The following SUMF1 variants were observed in gnomAD, a reference collection of about 807,000 sequenced individuals.
SUMF1 encodes the protein formylglycine-generating enzyme.
SUMF1 carries 48 observed loss-of-function variants against 47.6 expected under a neutral mutation model. That is an observed-to-expected ratio of 1.01 (90% CI 0.80 to 1.28). The LOEUF (loss-of-function observed/expected upper bound fraction) is 1.28, where lower values mean the gene tolerates loss of function less well. SUMF1 is among the 50% of genes most tolerant of loss of function. SUMF1 has a pLI of 0.00. For synonymous variants in SUMF1, 230 were observed against 192.1 expected (o/e 1.20, Z -1.63); for missense variants, 571 against 485.4 (o/e 1.18, Z -1.66).
chr3:4,368,386 G>A (rs1351390553), intron 8 of SUMF1, among the ~76,000 whole-genome samples: 10 of 152,200 alleles, frequency 6.6e-5, no homozygotes, highest in Non-Finnish European at 1.2e-4. Flanking sequence ...TGCACTGTTG[G>A]TGGGACTGTA....
chr3:4,167,314 C>A (rs1248014814), intron 8 of SUMF1, among the ~76,000 whole-genome samples: 1 of 152,114 alleles, frequency 6.6e-6, no homozygotes, highest in Non-Finnish European at 1.5e-5. Context: ...TTATTTGTCC[C>A]CTCCCATGTC....
intron 8 of SUMF1, among the ~76,000 whole-genome samples, chr3:4,373,818 A>G (rs1210532490): frequency 9.2e-6 from 1 of 108,808 alleles, no homozygotes; most frequent in Non-Finnish European, 2.0e-5. Context: ...AAAAATGTAT[A>G]AAAAAGATAA....
At chr3:4,139,576 G>GTGTA (rs1694026232) in intron 8 of SUMF1, among the ~76,000 whole-genome samples, 1 of 150,686 alleles carries the variant, frequency 6.6e-6, no homozygotes, top group Non-Finnish European at 1.5e-5. Flanking sequence ...GCATGTGTGT[G>GTGTA]TGTGTATATA....
At chr3:4,171,379 C>G (rs1432642045) in intron 8 of SUMF1, among the ~76,000 whole-genome samples, 1 of 152,094 alleles carries the variant, frequency 6.6e-6, no homozygotes, top group Non-Finnish European at 1.5e-5. Context: ...GGTAAATTAA[C>G]TTTTTGAGGT....
intron 8 of SUMF1, among the ~76,000 whole-genome samples, chr3:4,264,224 G>A (rs910132089): frequency 2.6e-5 from 4 of 152,122 alleles, no homozygotes; most frequent in Admixed American, 6.6e-5. Flanking sequence ...ACCCAGTTAC[G>A]CTGAGTCAGC....
intron 8 of SUMF1, among the ~76,000 whole-genome samples, chr3:4,331,579 G>A (rs777435897): frequency 1.1e-3 from 162 of 152,350 alleles, no homozygotes; most frequent in Non-Finnish European, 1.7e-3. Flanking sequence ...TGTAATCCCA[G>A]TAGTTTGGGA....
chr3:4,458,800 G>A (rs1033403214), intron 1 of SUMF1, among the ~76,000 whole-genome samples: 6 of 152,274 alleles, frequency 3.9e-5, no homozygotes, highest in Admixed American at 1.3e-4. Flanking sequence ...AGCTTGCAGC[G>A]AGCCGAGATG....
At chr3:4,214,451 G>T (rs891681183) in intron 8 of SUMF1, among the ~76,000 whole-genome samples, 7 of 152,130 alleles carry the variant, frequency 4.6e-5, no homozygotes, top group African/African-American at 1.4e-4. Context: ...ACAAGAGAAA[G>T]CAGGAAAGAT....
At chr3:4,448,027 T>C (rs1042403425) in intron 3 of SUMF1, among the ~76,000 whole-genome samples, 4 of 144,706 alleles carry the variant, frequency 2.8e-5, no homozygotes, top group African/African-American at 1.0e-4. Context: ...TCAACTGACC[T>C]CAAAGCCCTT....
At chr3:4,430,073 G>A (rs1001740742) in intron 3 of SUMF1, among the ~76,000 whole-genome samples, 4 of 152,202 alleles carry the variant, frequency 2.6e-5, no homozygotes, top group African/African-American at 9.6e-5. Context: ...GCGGCAGATA[G>A]TGGCAGAGCC....
chr3:4,339,106 C>T (rs1699215771), intron 8 of SUMF1, among the ~76,000 whole-genome samples: 1 of 152,178 alleles, frequency 6.6e-6, no homozygotes, highest in African/African-American at 2.4e-5. Flanking sequence ...ACTCCCTCCT[C>T]ATTCTGTGAC....
intron 9 of SUMF1, among the ~76,000 whole-genome samples, chr3:4,063,819 T>C (rs1276713159): frequency 7.2e-5 from 11 of 152,190 alleles, no homozygotes; most frequent in Admixed American, 7.2e-4. Context: ...CCTTATTAAA[T>C]TATTATATGT....
At chr3:4,155,143 C>A (rs897773396) in intron 8 of SUMF1, among the ~76,000 whole-genome samples, 18 of 151,536 alleles carry the variant, frequency 1.2e-4, no homozygotes, top group Non-Finnish European at 4.4e-5. Context: ...TAGCTCCTGA[C>A]ATGAGGCATG....
At chr3:4,455,705 AG>A (rs1469338394) in intron 1 of SUMF1, among the ~76,000 whole-genome samples, 2 of 152,174 alleles carry the variant, frequency 1.3e-5, no homozygotes, top group Non-Finnish European at 1.5e-5. Flanking sequence ...CGACACAGCA[AG>A]ACTCCGTTTC....
intron 8 of SUMF1, among the ~76,000 whole-genome samples, chr3:4,333,714 T>A (rs1018995632): frequency 3.3e-5 from 5 of 152,102 alleles, no homozygotes; most frequent in African/African-American, 1.2e-4. Flanking sequence ...GGATGAGGAC[T>A]CAGAGCAATG....
At chr3:4,124,736 T>G (rs1008793453) in intron 8 of SUMF1, among the ~76,000 whole-genome samples, 27 of 152,102 alleles carry the variant, frequency 1.8e-4, no homozygotes, top group Admixed American at 5.9e-4. Flanking sequence ...TGAGGTTCTG[T>G]TTTTAGCAAT....
intron 8 of SUMF1, chr3:4,313,832 C>A (rs1317739544): frequency 1.9e-6 from 3 of 1,595,890 alleles, no homozygotes; most frequent in Non-Finnish European, 2.6e-6. Flanking sequence ...AGCTTTACCT[C>A]TGCCTAGTTA....
intron 8 of SUMF1, among the ~76,000 whole-genome samples, chr3:4,375,473 G>T (rs1201314232): frequency 6.6e-6 from 1 of 152,068 alleles, no homozygotes; most frequent in East Asian, 1.9e-4. Flanking sequence ...ATTTTATATA[G>T]ATCCCAGATG....
At chr3:4,266,143 T>C (rs908894237) in intron 8 of SUMF1, among the ~76,000 whole-genome samples, 1 of 152,330 alleles carries the variant, frequency 6.6e-6, no homozygotes, top group Non-Finnish European at 1.5e-5. Context: ...CCTTGTAGTA[T>C]AGTTTGAAGT....
Sources: allele counts gnomAD v4.1 joint callset (sites outside exome capture counted in the v4.1 genomes callset), GRCh38; gene constraint gnomAD v4.1.1; transcripts MANE v1.5; gene names NCBI Gene and HGNC (gene_info 2026-07-23, HGNC 2026-07-21).